KCNQ3: variants seen among roughly 807,000 people sequenced by gnomAD.
The protein encoded by KCNQ3 is potassium voltage-gated channel subfamily KQT member 3.
A neutral mutation model predicts 92.5 loss-of-function variants in KCNQ3; 30 were observed. That is an observed-to-expected ratio of 0.32 (90% CI 0.24 to 0.44). KCNQ3 has a LOEUF of 0.44. KCNQ3 is among the 20% of genes least tolerant of loss of function. The pLI is 1.00. For missense variants in KCNQ3, 913 were observed against 1,140.3 expected (o/e 0.80, Z 2.87); for synonymous variants, 450 against 468.8 (o/e 0.96, Z 0.52).
At chr8:132,195,641 G>T (rs1827279990) in intron 1 of KCNQ3, among the ~76,000 whole-genome samples, 1 of 152,154 alleles carries the variant, frequency 6.6e-6, no homozygotes, top group Admixed American at 6.5e-5. Flanking sequence ...ACAGCTATGG[G>T]CTCCTCATAT....
Position 132,155,503 on chromosome 8 carries a change from C to G in KCNQ3, c.1262+7965G>C, listed in dbSNP as rs558363502. 3.5e-4 allele frequency among the ~76,000 whole-genome samples: 53 copies of G among 152,264 alleles called. No homozygotes were observed. In the South Asian group the frequency reaches 0.011, roughly 31 times the overall value. ...AATAATACTTACCATGGGCCAGGCT[C>G]TATTCTAAGCATGCAATCCTTACCA... is the stretch of plus-strand genomic sequence containing the variant. On this transcript the variant is annotated intron_variant, in intron 9 of 14. Coordinates refer to ENST00000388996, the MANE Select transcript of KCNQ3 (RefSeq NM_004519.4).
At chr8:132,372,831 C>T (rs1819512021) in intron 1 of KCNQ3, among the ~76,000 whole-genome samples, 1 of 149,464 alleles carries the variant, frequency 6.7e-6, no homozygotes, top group Non-Finnish European at 1.5e-5. Flanking sequence ...AAGCATCCAT[C>T]ACTCTCCTTA....
In KCNQ3 at chr8:132,356,755, C is replaced by T. The variant is rs542234716; in HGVS notation, c.386+123392G>A. Among the ~76,000 whole-genome samples, 65 of 152,258 alleles carry T rather than the reference C, an allele frequency of 4.3e-4. 1 individual carries two copies. Among genetic ancestry groups the T allele is most frequent in the Middle Eastern group, 3.4e-3 (1 of 294 alleles). ...TCCAGCACCTGGCACTTAGTGGATG[C>T]TAAATAAATATTCATTGAGTTGATT... On this transcript the variant is annotated intron_variant, in intron 1 of 14. Transcript: ENST00000388996.
chr8:132,144,596 G>C (rs1478282578), intron 9 of KCNQ3, among the ~76,000 whole-genome samples: 1 of 152,156 alleles, frequency 6.6e-6, no homozygotes, highest in Admixed American at 6.5e-5. Flanking sequence ...AGGTGGACTG[G>C]GCATGGAAAA....
intron 1 of KCNQ3, among the ~76,000 whole-genome samples, chr8:132,273,622 G>T (rs1816232922): frequency 6.6e-6 from 1 of 152,132 alleles, no homozygotes. Flanking sequence ...CTCAGAAAAT[G>T]GGATTTTCTT....
At chr8:132,213,545 TC>T (rs1250232905) in intron 1 of KCNQ3, among the ~76,000 whole-genome samples, 3 of 152,108 alleles carry the variant, frequency 2.0e-5, no homozygotes, top group Non-Finnish European at 4.4e-5. Context: ...CCCAATCCAA[TC>T]CCAGTTACCC....
intron 1 of KCNQ3, among the ~76,000 whole-genome samples, chr8:132,350,736 G>C (rs1042116135): frequency 1.3e-5 from 2 of 152,236 alleles, no homozygotes; most frequent in East Asian, 3.9e-4. Context: ...GTGAGTCTTA[G>C]ACAAACACTA....
intron 1 of KCNQ3, among the ~76,000 whole-genome samples, chr8:132,313,438 T>C (rs1418844175): frequency 6.6e-6 from 1 of 152,202 alleles, no homozygotes; most frequent in Admixed American, 6.5e-5. Flanking sequence ...TGTTACCATA[T>C]GGATTGTGGA....
chr8:132,237,392 C>T (rs934694679), intron 1 of KCNQ3, among the ~76,000 whole-genome samples: 45 of 152,166 alleles, frequency 3.0e-4, no homozygotes, highest in African/African-American at 1.1e-3. Flanking sequence ...CCAACATTTA[C>T]AAGACAGGAA....
intron 4 of KCNQ3, among the ~76,000 whole-genome samples, chr8:132,177,766 G>A (rs1826615343): frequency 6.6e-6 from 1 of 152,176 alleles, no homozygotes; most frequent in South Asian, 2.1e-4. Context: ...CCGGCCCAGA[G>A]TACAATGAAT....
At chr8:132,300,422 G>A (rs960348538) in intron 1 of KCNQ3, among the ~76,000 whole-genome samples, 1 of 152,056 alleles carries the variant, frequency 6.6e-6, no homozygotes, top group Non-Finnish European at 1.5e-5. Context: ...CAACTCTGAG[G>A]GGCTGCTGAA....
intron 1 of KCNQ3, among the ~76,000 whole-genome samples, chr8:132,189,164 T>A (rs1250507666): frequency 6.6e-6 from 1 of 152,174 alleles, no homozygotes; most frequent in Non-Finnish European, 1.5e-5. Flanking sequence ...TTGATGGTCC[T>A]CTTCCCTGTC....
At chr8:132,358,608 C>A (rs1157805297) in intron 1 of KCNQ3, among the ~76,000 whole-genome samples, 1 of 152,056 alleles carries the variant, frequency 6.6e-6, no homozygotes, top group African/African-American at 2.4e-5. Flanking sequence ...CAGAGCTCTC[C>A]AAAGGTGAGG....
intron 1 of KCNQ3, among the ~76,000 whole-genome samples, chr8:132,224,254 AAATTT>A (rs1027088519): frequency 1.3e-5 from 2 of 151,900 alleles, no homozygotes; most frequent in African/African-American, 4.8e-5. Flanking sequence ...GTTTTCAAAT[AAATTT>A]AATTTATTGA....
At chr8:132,451,555 T>C (rs1300012499) in intron 1 of KCNQ3, among the ~76,000 whole-genome samples, 1 of 152,210 alleles carries the variant, frequency 6.6e-6, no homozygotes, top group Non-Finnish European at 1.5e-5. Context: ...GCTCACTAAA[T>C]ATTCAATGAA....
rs879517653 is a variant in KCNQ3 at position 132,418,417 on chromosome 8, CCTCTAA to C, written c.386+61724_386+61729del. On this transcript the variant is annotated intron_variant, in intron 1 of 14. Transcript: ENST00000388996. ...AGCTCTGGGTCTCAACCCGACTCTG[CCTCTAA>C]TGGTCTCTGTGACTAGGGGTAAGTC... is the stretch of plus-strand genomic sequence containing the variant. Among the ~76,000 whole-genome samples, 7 of 152,218 alleles carry C rather than the reference CCTCTAA, an allele frequency of 4.6e-5. No individual in the cohort carries two copies. In the East Asian group the frequency reaches 1.4e-3, roughly 29 times the overall value.
chr8:132,199,805 G>T (rs1028844842), intron 1 of KCNQ3, among the ~76,000 whole-genome samples: 1 of 151,980 alleles, frequency 6.6e-6, no homozygotes, highest in Non-Finnish European at 1.5e-5. Flanking sequence ...AGCTATTCGG[G>T]AGGCTGAGGT....
chr8:132,269,670 A>G (rs7840315), intron 1 of KCNQ3, among the ~76,000 whole-genome samples: 67,654 of 152,058 alleles, frequency 0.44, 16,983 homozygotes, highest in East Asian at 0.73. Context: ...ATTACCGTGT[A>G]GTTTAAACCA....
At chr8:132,329,315 T>C (rs111813264) in intron 1 of KCNQ3, among the ~76,000 whole-genome samples, 1 of 152,250 alleles carries the variant, frequency 6.6e-6, no homozygotes, top group Non-Finnish European at 1.5e-5. Flanking sequence ...AGCCCCACCA[T>C]GTGCTGCAAC....
Sources: gnomAD v4.1 joint callset for allele counts (sites outside exome capture counted in the v4.1 genomes callset) on GRCh38, gnomAD v4.1.1 for gene constraint, MANE v1.5 for transcripts, NCBI Gene and HGNC (gene_info 2026-07-23, HGNC 2026-07-21) for gene names.